SCLT1: variants seen among roughly 807,000 people sequenced by gnomAD.
The protein encoded by SCLT1 is sodium channel-associated protein 1.
SCLT1 carries 78 observed loss-of-function variants against 112.8 expected under a neutral mutation model. The ratio of observed to expected loss-of-function variants is 0.69; its 90% CI spans 0.58 to 0.83. The LOEUF (loss-of-function observed/expected upper bound fraction) is 0.83, where lower values mean the gene tolerates loss of function less well. Ranked by LOEUF, SCLT1 falls within the 40% of genes least tolerant of loss-of-function variation. The pLI, the probability that SCLT1 is intolerant of heterozygous loss-of-function variation, is 0.00. For missense variants in SCLT1, 747 were observed against 770.4 expected, an observed-to-expected ratio of 0.97 and a Z score of 0.36; for synonymous variants, 257 against 254.7, an observed-to-expected ratio of 1.01 and a Z score of -0.09.
intron 2 of SCLT1, among the ~76,000 whole-genome samples, chr4:129,072,000 G>C (rs1290253202): frequency 6.6e-6 from 1 of 152,148 alleles, no homozygotes. Context: ...CGTTCTTGTA[G>C]TGGTGGCTTG....
chr4:129,086,900 A>C (rs1489538617), intron 1 of SCLT1, among the ~76,000 whole-genome samples: 1 of 152,234 alleles, frequency 6.6e-6, no homozygotes, highest in Admixed American at 6.5e-5. Context: ...TATACTCAAG[A>C]AGAAATAACA....
chr4:129,000,521 T>G (rs989748433), intron 6 of SCLT1, among the ~76,000 whole-genome samples: 1 of 152,034 alleles, frequency 6.6e-6, no homozygotes, highest in African/African-American at 2.4e-5. Flanking sequence ...CAGAATAATA[T>G]GTTAACATTT....
intron 18 of SCLT1, among the ~76,000 whole-genome samples, chr4:128,900,836 A>T (rs976042920): frequency 7.2e-5 from 11 of 152,286 alleles, no homozygotes; most frequent in South Asian, 2.1e-4. Flanking sequence ...TACAAGAAAA[A>T]AACAACCCCA....
Position 129,039,924 on chromosome 4 carries a change from AC to A in SCLT1, c.235-829del. On this transcript the variant is annotated intron_variant, in intron 4 of 20. Transcript: ENST00000281142. ...CGCACACACACACACACACACACACACACACACAAAACCCTGAATTTACATG... is the reference window on the plus strand; with the variant it reads ...CGCACACACACACACACACACACACAACACACAAAACCCTGAATTTACATG... 1.1e-5 allele frequency: 5 copies of A among 466,758 alleles called. No homozygotes were observed. In the East Asian group the frequency reaches 1.8e-4, roughly 16 times the overall value. 28.9% of individuals were successfully genotyped at this position (466,758 alleles called of 1,614,324 possible).
intron 5 of SCLT1, among the ~76,000 whole-genome samples, chr4:129,029,656 A>C (rs1746510492): frequency 6.6e-6 from 1 of 151,856 alleles, no homozygotes. Context: ...GTGCACATGT[A>C]CCCTAAAACT....
At chr4:128,874,088 A>C (rs1361861628) in intron 5 of SCLT1, 2 of 152,656 alleles carry the variant, frequency 1.3e-5, no homozygotes, top group Non-Finnish European at 2.9e-5. Context: ...TGCTGTCCAG[A>C]TCAGCTTGTT....
At chr4:129,015,688 G>A (rs1454267008) in intron 5 of SCLT1, among the ~76,000 whole-genome samples, 4 of 152,214 alleles carry the variant, frequency 2.6e-5, no homozygotes, top group South Asian at 2.1e-4. Context: ...AAGTGTCTAC[G>A]ATGGTTGAAG....
chr4:129,040,284 T>C (rs1183279736), intron 4 of SCLT1: 6 of 683,554 alleles, frequency 8.8e-6, no homozygotes, highest in South Asian at 6.1e-5. Context: ...TATGGACTGA[T>C]ACAGTGAGAG....
At chr4:129,029,366 T>C (rs370105687) in intron 5 of SCLT1, among the ~76,000 whole-genome samples, 6 of 152,070 alleles carry the variant, frequency 3.9e-5, no homozygotes, top group South Asian at 4.2e-4. Flanking sequence ...GATGAGTTCA[T>C]GTCCTTTGTA....
rs528210772 is a variant in SCLT1, at chr4:128,974,879, T to C, written c.687-4411A>G. ...ACTAGTTAACTATTAACAATCTTGA[T>C]GTCATAACTACCAAAGGATTTTATT... is the stretch of plus-strand genomic sequence containing the variant. On this transcript the variant is annotated intron_variant, in intron 9 of 20. Transcript: ENST00000281142. 7.8e-4 allele frequency among the ~76,000 whole-genome samples: 118 copies of C among 152,202 alleles called. No individual in the cohort carries two copies. The Middle Eastern group carries it at 0.01, about 13-fold the overall frequency.
intron 5 of SCLT1, among the ~76,000 whole-genome samples, chr4:129,028,052 C>T (rs963422054): frequency 6.6e-6 from 1 of 152,170 alleles, no homozygotes; most frequent in Non-Finnish European, 1.5e-5. Flanking sequence ...GAAGAACATT[C>T]CATGCTCATG....
chr4:128,967,632 G>A (rs57501568), intron 10 of SCLT1, among the ~76,000 whole-genome samples: 1 of 151,896 alleles, frequency 6.6e-6, no homozygotes, highest in African/African-American at 2.4e-5. Flanking sequence ...TCATTTGCTT[G>A]TTGGCCACAT....
chr4:129,017,972 A>G (rs185036847), intron 5 of SCLT1, among the ~76,000 whole-genome samples: 10 of 152,364 alleles, frequency 6.6e-5, no homozygotes, highest in Non-Finnish European at 1.3e-4. Flanking sequence ...GACAATCAGG[A>G]AGCAGCTATA....
chr4:128,940,944 C>T (rs905340764), intron 17 of SCLT1, among the ~76,000 whole-genome samples: 2 of 151,930 alleles, frequency 1.3e-5, no homozygotes, highest in Admixed American at 6.6e-5. Flanking sequence ...TTTAGCTGCA[C>T]GTTCACTTAG....
chr4:129,071,720 CA>C (rs767550504), intron 2 of SCLT1, among the ~76,000 whole-genome samples: 2 of 152,256 alleles, frequency 1.3e-5, no homozygotes, highest in Admixed American at 6.5e-5. Flanking sequence ...CTGAAGGCAG[CA>C]GATAGTTGGT....
At chr4:128,945,870 T>C in intron 16 of SCLT1, 137 bp downstream of exon 16, 1 of 503,672 alleles carries the variant, frequency 2.0e-6, no homozygotes, top group Admixed American at 3.8e-5. Flanking sequence ...TGAATAAAAT[T>C]ATATTTGGTC....
intron 18 of SCLT1, among the ~76,000 whole-genome samples, chr4:128,892,555 T>A (rs10518538): frequency 0.19 from 28,771 of 152,178 alleles, 2,921 homozygotes; most frequent in Middle Eastern, 0.29. Context: ...CCTAAAAACT[T>A]GGTAAGCCTC....
chr4:129,062,555 T>C (rs1026202626), intron 2 of SCLT1, among the ~76,000 whole-genome samples: 14 of 152,200 alleles, frequency 9.2e-5, no homozygotes, highest in African/African-American at 3.4e-4. Context: ...AAGAACTCTT[T>C]AGCATCTTTT....
chr4:128,920,425 G>A (rs757727668), intron 18 of SCLT1, among the ~76,000 whole-genome samples: 1 of 152,132 alleles, frequency 6.6e-6, no homozygotes, highest in Non-Finnish European at 1.5e-5. Flanking sequence ...CCCAATAGCT[G>A]GAATTACAGG....
Sources: allele counts gnomAD v4.1 joint callset (sites outside exome capture counted in the v4.1 genomes callset), GRCh38; gene constraint gnomAD v4.1.1; transcripts MANE v1.5; gene names NCBI Gene and HGNC (gene_info 2026-07-23, HGNC 2026-07-21).